RPN2: variants seen among roughly 807,000 people sequenced by gnomAD.
RPN2 encodes dolichyl-diphosphooligosaccharide--protein glycosyltransferase subunit 2.
In RPN2, 29 loss-of-function variants were observed where a neutral mutation model predicts 71.4. That is an observed-to-expected ratio of 0.41 (90% CI 0.30 to 0.55). The LOEUF is 0.55. RPN2 is among the 20% of genes least tolerant of loss of function. The pLI is 0.35. For synonymous variants in RPN2, 308 were observed against 305.0 expected, an observed-to-expected ratio of 1.01 and a Z score of -0.10; for missense variants, 726 against 774.1, an observed-to-expected ratio of 0.94 and a Z score of 0.74.
At chr20:37,182,330 G>A (rs1276085338) in intron 1 of RPN2, among the ~76,000 whole-genome samples, 2 of 152,080 alleles carry the variant, frequency 1.3e-5, no homozygotes, top group African/African-American at 4.8e-5. Context: ...CTGACTTCAA[G>A]TGATCCGCCC....
At chr20:37,181,276 A>T (rs1241731327) in intron 1 of RPN2, among the ~76,000 whole-genome samples, 2 of 151,764 alleles carry the variant, frequency 1.3e-5, no homozygotes, top group East Asian at 3.9e-4. Flanking sequence ...GTGGTATACA[A>T]GGCCCTCTGG....
chr20:37,184,429 C>A, intron 2 of RPN2, 56 bp downstream of exon 2: 1 of 1,376,264 alleles, frequency 7.3e-7, no homozygotes. Context: ...TTCATCCCCT[C>A]ACTATATTCC....
intron 9 of RPN2, 48 bp downstream of exon 9, chr20:37,213,913 A>G (rs2146624570): frequency 7.6e-7 from 1 of 1,314,380 alleles, no homozygotes. Context: ...ATATCCAAGG[A>G]TATGGCCAAA....
chr20:37,236,784 G>C lies in RPN2; in HGVS notation c.1883+75G>C, dbSNP rs1285154091. On this transcript the variant is annotated intron_variant, in intron 16 of 16. Coordinates refer to ENST00000237530, the MANE Select transcript of RPN2 (RefSeq NM_002951.5). ...GCTCTGCCGGCCTAGCTCTTTGAAGGGTAGGTGGCAAAATGATTTGTGTTC... is the reference window on the plus strand; with the variant it reads ...GCTCTGCCGGCCTAGCTCTTTGAAGCGTAGGTGGCAAAATGATTTGTGTTC... 4 of 1,473,156 alleles carry C rather than the reference G, an allele frequency of 2.7e-6. No homozygotes were observed. The African/African-American group carries it at 4.2e-5, about 15-fold the overall frequency. 91.3% of individuals were successfully genotyped at this position (1,473,156 alleles called of 1,614,324 possible).
intron 11 of RPN2, among the ~76,000 whole-genome samples, chr20:37,228,039 A>G (rs1367522843): frequency 1.3e-5 from 2 of 152,170 alleles, no homozygotes; most frequent in East Asian, 1.9e-4. Flanking sequence ...TTCCAAGCCG[A>G]GGCTCTCTCC....
At chr20:37,202,552 G>A (rs1002803473) in intron 4 of RPN2, among the ~76,000 whole-genome samples, 3 of 152,082 alleles carry the variant, frequency 2.0e-5, no homozygotes, top group African/African-American at 7.2e-5. Flanking sequence ...CCACCAGGGG[G>A]CCTCTCCTCT....
At chr20:37,213,036 T>C (rs1279391865) in intron 8 of RPN2, among the ~76,000 whole-genome samples, 2 of 152,206 alleles carry the variant, frequency 1.3e-5, no homozygotes, top group Non-Finnish European at 2.9e-5. Context: ...AGATATGTCC[T>C]TTTTGAGAAA....
chr20:37,229,306 A>G (rs575080295), intron 12 of RPN2, among the ~76,000 whole-genome samples: 59 of 152,330 alleles, frequency 3.9e-4, no homozygotes, highest in African/African-American at 1.3e-3. Context: ...GCATTTGAGC[A>G]AGGGGTTGAA....
At chr20:37,240,510 G>A (rs2068522838) in intron 16 of RPN2, among the ~76,000 whole-genome samples, 1 of 152,092 alleles carries the variant, frequency 6.6e-6, no homozygotes, top group Admixed American at 6.5e-5. Flanking sequence ...CTCACCCCTG[G>A]GAAGAGCTGC....
chr20:37,217,499 G>A (rs1253917288), intron 9 of RPN2, among the ~76,000 whole-genome samples: 8 of 151,514 alleles, frequency 5.3e-5, no homozygotes, highest in African/African-American at 9.7e-5. Flanking sequence ...CACTATGTTG[G>A]CCAGGATGGT....
chr20:37,202,716 TAA>T (rs1488618430), intron 4 of RPN2, among the ~76,000 whole-genome samples: 1 of 152,104 alleles, frequency 6.6e-6, no homozygotes, highest in African/African-American at 2.4e-5. Flanking sequence ...GAATAAGCCA[TAA>T]AAAAGAATGA....
intron 9 of RPN2, among the ~76,000 whole-genome samples, chr20:37,222,434 CATG>C: frequency 6.6e-6 from 1 of 152,058 alleles, no homozygotes; most frequent in South Asian, 2.1e-4. Context: ...CCCTATTCAA[CATG>C]ATAATTGAGG....
chr20:37,183,157 A>G (rs1257268501), intron 1 of RPN2, among the ~76,000 whole-genome samples: 2 of 152,102 alleles, frequency 1.3e-5, no homozygotes, highest in African/African-American at 4.8e-5. Context: ...CAATAATAAT[A>G]GTAGTAGAAG....
At chr20:37,209,480 T>TC (rs397691570) in intron 7 of RPN2, among the ~76,000 whole-genome samples, 1 of 150,632 alleles carries the variant, frequency 6.6e-6, no homozygotes, top group African/African-American at 2.4e-5. Flanking sequence ...TTTTTTTTTT[T>TC]CTTTTTCAGA....
At position 37,241,499 on chromosome 20, in the gene RPN2, C is replaced by G. The variant is rs1368419836; in HGVS notation, c.*184C>G. On this transcript the variant is annotated 3_prime_UTR_variant, in exon 17 of 17. Transcript: ENST00000237530. The stretch of plus-strand genomic sequence containing the variant: ...ACACACAGCAGATACCTGGTGAGCT[C>G]AGATAGTCTCTTTCTCTGACACTGT... 1 of 677,874 alleles carries G rather than the reference C, an allele frequency of 1.5e-6. No homozygotes were observed. The highest frequency in any genetic ancestry group is 2.6e-6 in the Non-Finnish European group (1 of 385,904). The allele number at this position is 677,874 out of a possible 1,614,324, so 42.0% of individuals were successfully genotyped here. A position where few individuals can be genotyped will look rare whatever the true frequency, so the allele number is the denominator to read the frequency against.
intron 16 of RPN2, chr20:37,238,421 A>G (rs2068459081): frequency 6.2e-7 from 1 of 1,609,900 alleles, no homozygotes; most frequent in Non-Finnish European, 8.5e-7. Flanking sequence ...AGAGCAGAGC[A>G]GTAGATTGGC....
In RPN2 at chr20:37,212,879, G is replaced by A. The variant is rs1031859015; in HGVS notation, c.987-881G>A. 3.9e-5 allele frequency among the ~76,000 whole-genome samples: 6 copies of A among 152,104 alleles called. No individual in the cohort carries two copies. The East Asian group carries it at 9.6e-4, about 24-fold the overall frequency. On this transcript the variant is annotated intron_variant, in intron 8 of 16. Coordinates refer to ENST00000237530, the MANE Select transcript of RPN2 (RefSeq NM_002951.5). ...GTTTCTTAATCATAAGGATACATAG[G>A]CAATATGTGAAATTAAAAAGCAAAA...
At chr20:37,216,063 G>A (rs796455404) in intron 9 of RPN2, among the ~76,000 whole-genome samples, 1 of 152,144 alleles carries the variant, frequency 6.6e-6, no homozygotes, top group Non-Finnish European at 1.5e-5. Flanking sequence ...CTAGGGCCAG[G>A]TGAGGTGGCT....
At chr20:37,200,086 C>T (rs1029960930) in intron 4 of RPN2, among the ~76,000 whole-genome samples, 21 of 152,218 alleles carry the variant, frequency 1.4e-4, no homozygotes, top group African/African-American at 4.8e-4. Flanking sequence ...CCTCCGCCTC[C>T]CGGGTTCAAG....
Sources: gnomAD v4.1 joint callset for allele counts (sites outside exome capture counted in the v4.1 genomes callset) on GRCh38, gnomAD v4.1.1 for gene constraint, MANE v1.5 for transcripts, NCBI Gene and HGNC (gene_info 2026-07-23, HGNC 2026-07-21) for gene names.